Variants in WDR49 observed in about 807,000 individuals in gnomAD.
WDR49 encodes cilia- and flagella-associated protein 337.
A neutral mutation model predicts 119.5 loss-of-function variants in WDR49; 107 were observed. That is an observed-to-expected ratio of 0.90 (90% CI 0.77 to 1.05). The LOEUF (loss-of-function observed/expected upper bound fraction) is 1.05. Among genes scored for constraint, WDR49 ranks in the 50% least tolerant of loss-of-function variants. The probability of loss-of-function intolerance (pLI) is 0.00; values close to 1 mark genes in which losing one functional copy is unlikely to be tolerated. For missense variants in WDR49, 1,240 were observed against 1,220.5 expected (o/e 1.02, Z -0.24); for synonymous variants, 425 against 418.8 (o/e 1.01, Z -0.18).
At chr3:167,535,530 C>T (rs1367133244) in intron 11 of WDR49, among the ~76,000 whole-genome samples, 1 of 152,068 alleles carries the variant, frequency 6.6e-6, no homozygotes, top group Non-Finnish European at 1.5e-5. Context: ...CAAATCAAAA[C>T]AACCTAAGTG....
chr3:167,527,922 C>T lies in WDR49; in HGVS notation c.2502G>A (p.Glu834=), dbSNP rs1375092638. 6.2e-7 allele frequency: 1 copy of T among 1,613,216 alleles called. No homozygotes were observed. The highest frequency in any genetic ancestry group is 8.5e-7 in the Non-Finnish European group (1 of 1,179,596). ...GTAACTGACCACCTGGCTCACACAT[C>T]TCTAAGGAACTTATTCGGTCCTCAT... is the stretch of plus-strand genomic sequence containing the variant. The part of the protein sequence containing the change: ...QPHEDRISSL[E]MCEPGGQLLI... The change falls in exon 15 of 19, where the codon GAG becomes GAA. Residue 834 remains glutamate, a synonymous_variant. Coordinates refer to ENST00000682715, the MANE Select transcript of WDR49 (RefSeq NM_001366157.1).
intron 10 of WDR49, among the ~76,000 whole-genome samples, chr3:167,542,560 G>A (rs549212572): frequency 2.0e-5 from 3 of 152,168 alleles, no homozygotes; most frequent in Admixed American, 2.0e-4. Context: ...ATGAAATCAA[G>A]ATGGAACTTT....
chr3:167,611,601 G>T (rs751931486), intron 5 of WDR49, among the ~76,000 whole-genome samples: 3 of 151,860 alleles, frequency 2.0e-5, no homozygotes, highest in East Asian at 1.9e-4. Flanking sequence ...ACCTATAAAG[G>T]CACATATAGA....
chr3:167,565,356 GA>G (rs747708281), intron 8 of WDR49, among the ~76,000 whole-genome samples: 4,556 of 91,400 alleles, frequency 0.05, 254 homozygotes, highest in African/African-American at 0.17. Flanking sequence ...AACAAGATCA[GA>G]AAAAAAAAAA....
At chr3:167,480,554 A>G (rs907650928) in intron 18 of WDR49, among the ~76,000 whole-genome samples, 9 of 152,216 alleles carry the variant, frequency 5.9e-5, no homozygotes, top group Non-Finnish European at 1.3e-4. Context: ...CTTGGCTACA[A>G]AAGTCAAGAT....
chr3:167,605,494 A>G (rs773661679), intron 5 of WDR49, among the ~76,000 whole-genome samples: 3 of 152,174 alleles, frequency 2.0e-5, no homozygotes, highest in Admixed American at 2.0e-4. Context: ...TAAGAAAAAA[A>G]ACAGATGCAG....
chr3:167,568,569 T>A (rs1713746779), intron 8 of WDR49, among the ~76,000 whole-genome samples: 1 of 152,172 alleles, frequency 6.6e-6, no homozygotes, highest in African/African-American at 2.4e-5. Flanking sequence ...GCTGGATTCA[T>A]TTATATTGAA....
chr3:167,554,659 G>T lies in WDR49; in HGVS notation c.1814C>A (p.Thr605Asn). 1.3e-6 allele frequency: 2 copies of T among 1,521,280 alleles called. No homozygotes were observed. The highest frequency in any genetic ancestry group is 9.0e-7 in the Non-Finnish European group (1 of 1,112,570). 94.2% of individuals were successfully genotyped at this position (1,521,280 alleles called of 1,614,324 possible). A position where few individuals can be genotyped will look rare whatever the true frequency, so the allele number is the denominator to read the frequency against. Residue 605 changes from threonine (T) to asparagine (N), a missense_variant, in exon 10 of 19, where the codon ACT becomes AAT. Physicochemically the swap from Thr to Asn is moderately conservative, Grantham distance 65 (BLOSUM62 0). Transcript: ENST00000682715. Reference protein sequence around the residue: ...WERYDYASWKTIGRAITVFRP... With the variant: ...WERYDYASWKNIGRAITVFRP... Reference sequence around the variant, plus strand: ...ACATTCTCCTTTTTACCTTCCTATAGTTTTCCATGAGGCATAATCATACCT... The same window carrying T: ...ACATTCTCCTTTTTACCTTCCTATATTTTTCCATGAGGCATAATCATACCT...
At chr3:167,590,133 T>C (rs990588493) in intron 7 of WDR49, among the ~76,000 whole-genome samples, 4 of 152,152 alleles carry the variant, frequency 2.6e-5, no homozygotes, top group African/African-American at 9.6e-5. Context: ...TTTTATCAAA[T>C]GCTTTTTCAG....
At chr3:167,633,524 A>G (rs1350303099) in intron 2 of WDR49, 3 of 454,448 alleles carry the variant, frequency 6.6e-6, no homozygotes, top group East Asian at 7.0e-5. Context: ...TGAGCCAAAT[A>G]TCCCCATCCT....
At chr3:167,597,501 G>T (rs570228661) in intron 7 of WDR49, among the ~76,000 whole-genome samples, 29 of 152,318 alleles carry the variant, frequency 1.9e-4, no homozygotes, top group African/African-American at 7.0e-4. Flanking sequence ...TAGTGGAGCT[G>T]TGAGAAGAGG....
In WDR49 at chr3:167,505,338, A is replaced by AG; in HGVS notation, c.2852dup (p.Tyr952LeufsTer4). 6.5e-7 allele frequency: 1 copy of AG among 1,527,518 alleles called. No individual in the cohort carries two copies. The highest frequency in any genetic ancestry group is 1.3e-5 in the South Asian group (1 of 75,544). The allele number at this position is 1,527,518 out of a possible 1,614,324, so 94.6% of individuals were successfully genotyped here. On this transcript the variant is annotated frameshift_variant, in exon 17 of 19. Transcript: ENST00000682715. LOFTEE classifies it high-confidence loss of function. ...ATTTTTTTATAACTTCACCATAATAAGGTTTTTGTGTTTCTTTCATGCAGG... is the reference window on the plus strand; with the variant it reads ...ATTTTTTTATAACTTCACCATAATAAGGGTTTTTGTGTTTCTTTCATGCAGG...
chr3:167,489,548 T>C (rs933759528), intron 18 of WDR49, among the ~76,000 whole-genome samples: 31 of 152,126 alleles, frequency 2.0e-4, no homozygotes, highest in African/African-American at 7.5e-4. Flanking sequence ...ATTATAATGA[T>C]AGCCAAAAGC....
rs56856371 is a variant in WDR49 at position 167,505,544 on chromosome 3, A to G, written c.2775-128T>C. 209 of 1,259,334 alleles carry G rather than the reference A, an allele frequency of 1.7e-4. 1 individual carries two copies. The African/African-American group carries it at 2.9e-3, about 17-fold the overall frequency. 78.0% of individuals were successfully genotyped at this position (1,259,334 alleles called of 1,614,324 possible). A position where few individuals can be genotyped will look rare whatever the true frequency, so the allele number is the denominator to read the frequency against. Reference sequence around the variant, plus strand: ...CAAAAAATCTATTCCTGTGAACCGAAGTAGTGATATTTGTTTATACTAATC... The same window carrying G: ...CAAAAAATCTATTCCTGTGAACCGAGGTAGTGATATTTGTTTATACTAATC... On this transcript the variant is annotated intron_variant, in intron 16 of 18. Transcript: ENST00000682715.
intron 8 of WDR49, among the ~76,000 whole-genome samples, chr3:167,563,838 T>C (rs532118752): frequency 7.0e-4 from 106 of 152,234 alleles, no homozygotes; most frequent in Non-Finnish European, 1.3e-3. Context: ...TATAGAACAC[T>C]AGAACTTATT....
At chr3:167,604,230 T>C in intron 6 of WDR49, 71 bp downstream of exon 6, 1 of 1,543,664 alleles carries the variant, frequency 6.5e-7, no homozygotes, top group Non-Finnish European at 8.8e-7. Context: ...TAGCAAAGGC[T>C]CCATGCATAC....
intron 8 of WDR49, among the ~76,000 whole-genome samples, chr3:167,564,834 T>G (rs1713497526): frequency 6.6e-6 from 1 of 152,198 alleles, no homozygotes; most frequent in South Asian, 2.1e-4. Flanking sequence ...GTCACCTAAT[T>G]GTCTTATTGC....
chr3:167,501,469 T>C (rs1459644765), intron 17 of WDR49, among the ~76,000 whole-genome samples: 3 of 152,150 alleles, frequency 2.0e-5, no homozygotes, highest in African/African-American at 7.2e-5. Context: ...TACATATCTA[T>C]CTCGTGTAAT....
At chr3:167,566,845 A>T in intron 8 of WDR49, 1 of 672,254 alleles carries the variant, frequency 1.5e-6, no homozygotes, top group Non-Finnish European at 2.7e-6. Flanking sequence ...ATTGAGTGGA[A>T]GTCAATTATC....
Sources: allele counts gnomAD v4.1 joint callset (sites outside exome capture counted in the v4.1 genomes callset), GRCh38; gene constraint gnomAD v4.1.1; transcripts MANE v1.5; gene names NCBI Gene and HGNC (gene_info 2026-07-23, HGNC 2026-07-21).